The following DLG4 variants were observed in gnomAD, a reference collection of about 807,000 sequenced individuals.
DLG4 encodes the protein discs large MAGUK scaffold protein 4.
Under a neutral mutation model 93.8 loss-of-function variants are expected in DLG4, and 7 were observed. The ratio of observed to expected loss-of-function variants is 0.07; its 90% confidence interval spans 0.04 to 0.14. DLG4 has a LOEUF of 0.14. Ranked by LOEUF, DLG4 falls within the 10% of genes least tolerant of loss-of-function variation. The probability of loss-of-function intolerance (pLI) is 1.00; values close to 1 mark genes in which losing one functional copy is unlikely to be tolerated. For synonymous variants in DLG4, 341 were observed against 387.6 expected, an observed-to-expected ratio of 0.88 and a Z score of 1.41; for missense variants, 545 against 992.9, an observed-to-expected ratio of 0.55 and a Z score of 6.06.
chr17:7,208,041 C>T lies in DLG4; in HGVS notation c.96+133G>A, dbSNP rs1453329733. ...TGCTGCAGCTCCGAGGCTCCGAGGG[C>T]CGCACTGGGGAGGGGGCCACCAGGG... On this transcript the variant is annotated intron_variant, in intron 2 of 19. Transcript: ENST00000399506. This position sits in a 1 kb window ranked among gnomAD's most constrained non-coding sequence, Gnocchi z 5.4. 5 of 1,287,334 alleles carry T rather than the reference C, an allele frequency of 3.9e-6. No homozygotes were observed. Among genetic ancestry groups the T allele is most frequent in the Non-Finnish European group, 4.9e-6 (5 of 1,011,408 alleles). 79.7% of individuals were successfully genotyped at this position (1,287,334 alleles called of 1,614,324 possible).
chr17:7,213,765 T>A (rs1172984400), intron 1 of DLG4: 3 of 470,998 alleles, frequency 6.4e-6, no homozygotes, highest in Non-Finnish European at 1.3e-5. Flanking sequence ...AAAATGCCCA[T>A]ACATGGTAGA....
At chr17:7,218,640 C>T, upstream of DLG4, 4 of 1,559,738 alleles carry the variant, frequency 2.6e-6, no homozygotes, top group Non-Finnish European at 3.5e-6. Flanking sequence ...GACCTGGGAG[C>T]TAGTGAGATG....
In DLG4 at chr17:7,193,956, C is replaced by T. The variant is rs964570324; in HGVS notation, c.1515+8G>A. 8 of 1,613,678 alleles carry T rather than the reference C, an allele frequency of 5.0e-6. No individual in the cohort carries two copies. The highest frequency in any genetic ancestry group is 6.8e-6 in the Non-Finnish European group (8 of 1,179,818). On this transcript the variant is annotated splice_region_variant and intron_variant, in intron 13 of 19. Coordinates refer to ENST00000399506, the MANE Select transcript of DLG4 (RefSeq NM_001321075.3). The surrounding 1 kb of genome is among the most constrained non-coding windows in gnomAD (Gnocchi z 6.7). ...CTTCCACCCAGGCTCACACCCTCCT[C>T]CACCTACCTTGGCCTTTAACCTTGA...
chr17:7,199,263 G>A (rs1040343383), intron 8 of DLG4, among the ~76,000 whole-genome samples: 15 of 151,596 alleles, frequency 9.9e-5, no homozygotes, highest in South Asian at 6.3e-4. Flanking sequence ...GCAGTGGTGC[G>A]ATCTTGGCTC....
chr17:7,206,264 C>T (rs1483348268), intron 2 of DLG4, among the ~76,000 whole-genome samples: 1 of 152,110 alleles, frequency 6.6e-6, no homozygotes, highest in Non-Finnish European at 1.5e-5. Flanking sequence ...ATCTCAATTT[C>T]TGATTCCCCA....
rs1322916673 is a variant in DLG4, at chr17:7,188,863, A to G, written c.*1845T>C. 2.0e-5 allele frequency among the ~76,000 whole-genome samples: 3 copies of G among 152,048 alleles called. No individual in the cohort carries two copies. Among genetic ancestry groups the G allele is most frequent in the Non-Finnish European group, 4.4e-5 (3 of 68,002 alleles). On this transcript the variant is annotated 3_prime_UTR_variant, in exon 20 of 20. Coordinates refer to ENST00000399506, the MANE Select transcript of DLG4 (RefSeq NM_001321075.3). ...GTAGTGGCTCATGCCTGTAATCTTA[A>G]CACTGTGGGAGGCCAAGCTGGGCGG...
intron 1 of DLG4, among the ~76,000 whole-genome samples, chr17:7,211,198 C>T (rs891078334): frequency 1.3e-5 from 2 of 151,306 alleles, no homozygotes; most frequent in Non-Finnish European, 2.9e-5. Flanking sequence ...GGGATCAGCA[C>T]CTCTCAGTCT....
intron 8 of DLG4, among the ~76,000 whole-genome samples, chr17:7,200,854 T>C (rs967651086): frequency 3.8e-5 from 5 of 133,144 alleles, no homozygotes; most frequent in Non-Finnish European, 6.4e-5. Context: ...CAGCCTGTTT[T>C]GGTTTTTTTT....
At chr17:7,207,497 G>A (rs967497947) in intron 2 of DLG4, among the ~76,000 whole-genome samples, 3 of 152,110 alleles carry the variant, frequency 2.0e-5, no homozygotes, top group African/African-American at 7.2e-5. Flanking sequence ...CTGGAGACTT[G>A]GGGACAGGGC....
chr17:7,198,947 C>T (rs964448661), intron 8 of DLG4, among the ~76,000 whole-genome samples: 2 of 151,782 alleles, frequency 1.3e-5, no homozygotes, highest in Non-Finnish European at 2.9e-5. Flanking sequence ...GCCCAGGAGG[C>T]GGAAGTTGCA....
Position 7,194,600 on chromosome 17 carries a change from G to C in DLG4, c.1302-105C>G. ...AGAGGTCTGCAGATGGCACTCCCAT[G>C]GGAGCTATGGATGCCGAGGAACCCA... On this transcript the variant is annotated intron_variant, in intron 11 of 19. Coordinates refer to ENST00000399506, the MANE Select transcript of DLG4 (RefSeq NM_001321075.3). The surrounding 1 kb of genome is among the most constrained non-coding windows in gnomAD (Gnocchi z 4.4). The C allele has an allele frequency of 4.7e-6, 6 of 1,274,390 alleles. No homozygotes were observed. The highest frequency in any genetic ancestry group is 6.4e-6 in the Non-Finnish European group (6 of 936,052). 78.9% of individuals were successfully genotyped at this position (1,274,390 alleles called of 1,614,324 possible). A position where few individuals can be genotyped will look rare whatever the true frequency, so the allele number is the denominator to read the frequency against.
chr17:7,211,607 G>C, intron 1 of DLG4: 1 of 786,790 alleles, frequency 1.3e-6, no homozygotes, highest in East Asian at 1.3e-4. Context: ...CCTGATATTT[G>C]CGGGGGTCCG....
chr17:7,203,984 C>T lies in DLG4; in HGVS notation c.210+24G>A, dbSNP rs1410090780. The T allele has an allele frequency of 6.2e-7, 1 of 1,609,594 alleles. No individual in the cohort carries two copies. Among genetic ancestry groups the T allele is most frequent in the Non-Finnish European group, 8.5e-7 (1 of 1,178,016 alleles). On this transcript the variant is annotated intron_variant, in intron 4 of 19. Coordinates refer to ENST00000399506, the MANE Select transcript of DLG4 (RefSeq NM_001321075.3). The surrounding 1 kb of genome is among the most constrained non-coding windows in gnomAD (Gnocchi z 7.2). The stretch of plus-strand genomic sequence containing the variant: ...AGGTACAGACGGGAGGCCACGGGGA[C>T]TGCCGATGGAGGAGCCTGCTCACCC...
chr17:7,191,877 C>T lies in DLG4; in HGVS notation c.1976+16G>A. 6.9e-7 allele frequency: 1 copy of T among 1,454,722 alleles called. No homozygotes were observed. Among genetic ancestry groups the T allele is most frequent in the Non-Finnish European group, 9.1e-7 (1 of 1,099,146 alleles). 90.1% of individuals were successfully genotyped at this position (1,454,722 alleles called of 1,614,324 possible). A position where few individuals can be genotyped will look rare whatever the true frequency, so the allele number is the denominator to read the frequency against. ...TGTTGGGGGAGCAAAGGGGAGGCCC[C>T]CAGGACCATACTCACAGCACATTCT... On this transcript the variant is annotated intron_variant, in intron 18 of 19. Coordinates refer to ENST00000399506, the MANE Select transcript of DLG4 (RefSeq NM_001321075.3). This position sits in a 1 kb window ranked among gnomAD's most constrained non-coding sequence, Gnocchi z 6.6.
chr17:7,193,906 G>A lies in DLG4; in HGVS notation c.1516-35C>T, dbSNP rs747029006. 5.0e-6 allele frequency: 8 copies of A among 1,612,840 alleles called. No individual in the cohort carries two copies. Among genetic ancestry groups the A allele is most frequent in the Middle Eastern group, 1.7e-4 (1 of 6,060 alleles). On this transcript the variant is annotated intron_variant, in intron 13 of 19. Transcript: ENST00000399506. The surrounding 1 kb of genome is among the most constrained non-coding windows in gnomAD (Gnocchi z 6.7). ...AAAAGCAGGCCACGGGGTTAGTTAT[G>A]AGCTCAGCTCCATGAGCCCTCACAC...
At position 7,197,026 on chromosome 17, in the gene DLG4, T is replaced by A; in HGVS notation, c.814A>T (p.Ile272Phe). Residue 272 changes from isoleucine to phenylalanine, a missense_variant, in exon 9 of 20, where the codon ATC becomes TTC. Physicochemically the swap from Ile to Phe is conservative, Grantham distance 21. This residue lies in a region of DLG4 where 428 missense variants were observed against 741.4 expected (regional missense o/e 0.58). Transcript: ENST00000399506. ...TSYSQHLDNEISHSSYLGTDY... is the reference protein window; with the variant it reads ...TSYSQHLDNEFSHSSYLGTDY... The stretch of plus-strand genomic sequence containing the variant: ...GTGCCCAGGTAGCTGCTGTGACTGA[T>A]CTCATTGTCCAGGTGCTGGGAATAA... 1 of 1,612,524 alleles carries A rather than the reference T, an allele frequency of 6.2e-7. No homozygotes were observed. Among genetic ancestry groups the A allele is most frequent in the Non-Finnish European group, 8.5e-7 (1 of 1,179,174 alleles).
chr17:7,190,402 C>T lies in DLG4; in HGVS notation c.*306G>A. ...AGAGGATGGGGGAGGGCAGGTGGCC[C>T]CCGGTGGGTCTGTGTGTGCATTGGG... On this transcript the variant is annotated 3_prime_UTR_variant, in exon 20 of 20. Transcript: ENST00000399506. The T allele has an allele frequency of 2.6e-6, 1 of 390,612 alleles. No homozygotes were observed. The highest frequency in any genetic ancestry group is 2.0e-5 in the African/African-American group (1 of 48,908). The allele number at this position is 390,612 out of a possible 1,614,324, so 24.2% of individuals were successfully genotyped here.
At position 7,196,311 on chromosome 17, in the gene DLG4, T is replaced by C; in HGVS notation, c.1210A>G (p.Ile404Val). ...ATGAGCTGTTCCCGAAGGTCGTGGA[T>C]CTTGGCCTCGAATCGGCTGTACTCT... The part of the protein sequence containing the change: ...PEEYSRFEAK[I>V]HDLREQLMNS... Residue 404 changes from isoleucine to valine, a missense_variant, in exon 11 of 20, where the codon ATC (isoleucine) becomes GTC (valine). Physicochemically the swap from Ile to Val is conservative, Grantham distance 29. This residue lies in a region of DLG4 where 428 missense variants were observed against 741.4 expected (regional missense o/e 0.58). Coordinates refer to ENST00000399506, the MANE Select transcript of DLG4 (RefSeq NM_001321075.3). The surrounding 1 kb of genome is among the most constrained non-coding windows in gnomAD (Gnocchi z 8.3). 1.9e-6 allele frequency: 3 copies of C among 1,613,956 alleles called. No individual in the cohort carries two copies. Among genetic ancestry groups the C allele is most frequent in the Non-Finnish European group, 2.5e-6 (3 of 1,179,876 alleles).
chr17:7,190,334 G>A lies in DLG4; in HGVS notation c.*374C>T, dbSNP rs994163633. ...GCCTGTGGCCCTGCATCCCTGCAGCGGGTGCTCCTCGAGGGGGCCCTGACT... is the reference window on the plus strand; with the variant it reads ...GCCTGTGGCCCTGCATCCCTGCAGCAGGTGCTCCTCGAGGGGGCCCTGACT... On this transcript the variant is annotated 3_prime_UTR_variant, in exon 20 of 20. Coordinates refer to ENST00000399506, the MANE Select transcript of DLG4 (RefSeq NM_001321075.3). The A allele has an allele frequency of 4.0e-4, 113 of 279,818 alleles. No individual in the cohort carries two copies. The East Asian group carries it at 4.3e-3, about 11-fold the overall frequency. 17.3% of individuals were successfully genotyped at this position (279,818 alleles called of 1,614,324 possible).
Sources: gnomAD v4.1 joint callset for allele counts (sites outside exome capture counted in the v4.1 genomes callset) on GRCh38, gnomAD v4.1.1 for gene constraint, gnomAD v4.1.1 regional missense constraint, Gnocchi (gnomAD v3.1) non-coding constraint, MANE v1.5 for transcripts, NCBI Gene and HGNC (gene_info 2026-07-23, HGNC 2026-07-21) for gene names.